Variants in EFHD1 observed in about 807,000 individuals in gnomAD.
The protein encoded by EFHD1 is EF-hand domain family member D1.
Under a neutral mutation model 17.2 loss-of-function variants are expected in EFHD1, and 10 were observed. The observed-to-expected ratio is 0.58, with a 90% CI of 0.36 to 0.99. EFHD1 has a LOEUF of 0.99. Among genes scored for constraint, EFHD1 ranks in the 50% least tolerant of loss-of-function variants. The probability of loss-of-function intolerance (pLI) is 0.01; values close to 1 mark genes in which losing one functional copy is unlikely to be tolerated. For synonymous variants in EFHD1, 153 were observed against 142.0 expected (o/e 1.08, Z -0.55); for missense variants, 310 against 327.5 (o/e 0.95, Z 0.41).
At chr2:232,668,722 C>T (rs948157678) in intron 2 of EFHD1, among the ~76,000 whole-genome samples, 2 of 152,098 alleles carry the variant, frequency 1.3e-5, no homozygotes, top group African/African-American at 2.4e-5. Context: ...CAACCTCCAC[C>T]CCTCAGATTC....
intron 2 of EFHD1, among the ~76,000 whole-genome samples, chr2:232,664,071 C>T (rs1694925007): frequency 1.3e-5 from 2 of 151,876 alleles, no homozygotes; most frequent in African/African-American, 4.8e-5. Context: ...GGATTACAGT[C>T]GTGAGCCACC....
At chr2:232,622,849 T>G (rs1275241821) in intron 1 of EFHD1, among the ~76,000 whole-genome samples, 1 of 152,088 alleles carries the variant, frequency 6.6e-6, no homozygotes, top group Non-Finnish European at 1.5e-5. Context: ...ACACCCTACA[T>G]TACAAAGCCT....
chr2:232,646,980 C>T (rs896764172), intron 1 of EFHD1, among the ~76,000 whole-genome samples: 2 of 152,264 alleles, frequency 1.3e-5, no homozygotes, highest in Non-Finnish European at 2.9e-5. Context: ...AGCTTCACAG[C>T]TCCCTGCGGC....
At chr2:232,660,709 G>A (rs1055776479) in intron 1 of EFHD1, among the ~76,000 whole-genome samples, 2 of 151,958 alleles carry the variant, frequency 1.3e-5, no homozygotes, top group African/African-American at 2.4e-5. Flanking sequence ...CAGGTGTAGT[G>A]GCTCATGTCT....
chr2:232,639,716 G>T lies in EFHD1; in HGVS notation c.302+5710G>T, dbSNP rs557177702. 2.0e-5 allele frequency among the ~76,000 whole-genome samples: 3 copies of T among 152,258 alleles called. No homozygotes were observed. In the East Asian group the frequency reaches 5.8e-4, roughly 29 times the overall value. ...AATGGCCTAAGAGTCCACAAATCAG[G>T]TCTTGGGAGCTAGAGGGTGCCAGGC... On this transcript the variant is annotated intron_variant, in intron 1 of 3. Coordinates refer to ENST00000264059, the MANE Select transcript of EFHD1 (RefSeq NM_025202.4).
At chr2:232,657,812 CAAA>C (rs111874089) in intron 1 of EFHD1, among the ~76,000 whole-genome samples, 3 of 105,050 alleles carry the variant, frequency 2.9e-5, no homozygotes, top group African/African-American at 3.2e-5. Flanking sequence ...AACTCCATCT[CAAA>C]AAAAAAAAAA....
chr2:232,672,290 T>C lies in EFHD1; in HGVS notation c.451-19T>C. On this transcript the variant is annotated intron_variant, in intron 2 of 3. Coordinates refer to ENST00000264059, the MANE Select transcript of EFHD1 (RefSeq NM_025202.4). ...GTCAGTGAGACTGACTCTGGTTCCCTACTTTCTTTCCCCTGTAGTTCCTGC... is the reference window on the plus strand; with the variant it reads ...GTCAGTGAGACTGACTCTGGTTCCCCACTTTCTTTCCCCTGTAGTTCCTGC... 6.2e-7 allele frequency: 1 copy of C among 1,614,158 alleles called. No homozygotes were observed. Among genetic ancestry groups the C allele is most frequent in the Admixed American group, 1.7e-5 (1 of 60,020 alleles).
chr2:232,614,560 C>T (rs1261396716), intron 1 of EFHD1, among the ~76,000 whole-genome samples: 4 of 152,328 alleles, frequency 2.6e-5, no homozygotes, highest in Admixed American at 6.5e-5. Context: ...CGGAACCCAC[C>T]AAATAAGTCT....
In EFHD1 at chr2:232,644,903, A is replaced by C. The variant is rs112833428; in HGVS notation, c.302+10897A>C. ...GTGATCCGCCCACCTCGACCTCCCA[A>C]AGTGCTGGGATTACAGGCGTGAGCC... On this transcript the variant is annotated intron_variant, in intron 1 of 3. Transcript: ENST00000264059. Among the ~76,000 whole-genome samples the C allele has an allele frequency of 6.8e-4, 102 of 149,548 alleles. 1 individual carries two copies. The highest frequency in any genetic ancestry group is 2.5e-3 in the African/African-American group (100 of 40,494).
chr2:232,633,005 G>GT (rs560134007), upstream of EFHD1, among the ~76,000 whole-genome samples: 1,032 of 152,374 alleles, frequency 6.8e-3, 19 homozygotes, highest in African/African-American at 0.022. Flanking sequence ...GAAAACGGGA[G>GT]TTTTTTCTGC....
At chr2:232,614,807 C>A (rs1265075849) in intron 1 of EFHD1, among the ~76,000 whole-genome samples, 1 of 152,124 alleles carries the variant, frequency 6.6e-6, no homozygotes, top group East Asian at 1.9e-4. Flanking sequence ...GAAACCCTGA[C>A]TCTACAAAAA....
chr2:232,611,515 G>A (rs1693816017), intron 1 of EFHD1: 1 of 152,198 alleles, frequency 6.6e-6, no homozygotes, highest in South Asian at 2.1e-4. Flanking sequence ...CGACAGGGAT[G>A]GGTGGGCCAG....
At chr2:232,623,697 AGAAGAAGAAG>A (rs1694059684) in intron 1 of EFHD1, among the ~76,000 whole-genome samples, 1 of 89,838 alleles carries the variant, frequency 1.1e-5, no homozygotes, top group Admixed American at 1.3e-4. Flanking sequence ...AAAAAAAAGA[AGAAGAAGAAG>A]AAGAAGAAGA....
chr2:232,677,701 T>A (rs1202301088), intron 3 of EFHD1, among the ~76,000 whole-genome samples: 2 of 152,082 alleles, frequency 1.3e-5, no homozygotes, highest in African/African-American at 4.8e-5. Context: ...CCAGTCTGGG[T>A]GACAGAGTAA....
chr2:232,607,997 G>A (rs781429712), intron 1 of EFHD1, among the ~76,000 whole-genome samples: 12 of 151,876 alleles, frequency 7.9e-5, no homozygotes, highest in Non-Finnish European at 1.6e-4. Context: ...AAGATAATAT[G>A]GAACTACAGT....
At chr2:232,617,347 C>G (rs1693942810) in intron 1 of EFHD1, among the ~76,000 whole-genome samples, 1 of 152,178 alleles carries the variant, frequency 6.6e-6, no homozygotes, top group African/African-American at 2.4e-5. Context: ...AAACCCTTAA[C>G]TCAGTATGTA....
At chr2:232,622,485 G>A (rs4465759) in intron 1 of EFHD1, among the ~76,000 whole-genome samples, 2 of 150,056 alleles carry the variant, frequency 1.3e-5, no homozygotes, top group South Asian at 2.1e-4. Context: ...GGGCGGGGGT[G>A]GGGGGGAAGA....
intron 2 of EFHD1, among the ~76,000 whole-genome samples, chr2:232,671,311 C>T (rs952182910): frequency 2.6e-5 from 4 of 151,530 alleles, no homozygotes; most frequent in Non-Finnish European, 4.4e-5. Flanking sequence ...TGGTGGCACA[C>T]GCCTGTGGTC....
chr2:232,640,382 A>G (rs1459338193), intron 1 of EFHD1, among the ~76,000 whole-genome samples: 2 of 152,182 alleles, frequency 1.3e-5, no homozygotes, highest in Non-Finnish European at 2.9e-5. Context: ...GGTCTCCTCC[A>G]GTGTTCCCAG....
Sources: gnomAD v4.1 joint callset for allele counts (sites outside exome capture counted in the v4.1 genomes callset) on GRCh38, gnomAD v4.1.1 for gene constraint, MANE v1.5 for transcripts, NCBI Gene and HGNC (gene_info 2026-07-23, HGNC 2026-07-21) for gene names.